The following DPY19L3 variants were observed in gnomAD, a reference collection of about 807,000 sequenced individuals.
DPY19L3 encodes the protein dpy-19 like C-mannosyltransferase 3.
Under a neutral mutation model 92.3 loss-of-function variants are expected in DPY19L3, and 51 were observed. The ratio of observed to expected loss-of-function variants is 0.55; its 90% CI spans 0.44 to 0.70. DPY19L3 has a LOEUF of 0.70. Among genes scored for constraint, DPY19L3 ranks in the 30% least tolerant of loss-of-function variants. DPY19L3 has a pLI of 0.00. For missense variants in DPY19L3, 706 were observed against 855.9 expected (o/e 0.82, Z 2.18); for synonymous variants, 309 against 315.2 (o/e 0.98, Z 0.21).
chr19:32,465,556 C>G (rs1472157601), intron 15 of DPY19L3, among the ~76,000 whole-genome samples: 2 of 152,092 alleles, frequency 1.3e-5, no homozygotes, highest in African/African-American at 4.8e-5. Context: ...ATTTCAAACT[C>G]TACTGTGTAG....
intron 3 of DPY19L3, among the ~76,000 whole-genome samples, chr19:32,422,965 A>G (rs1243933572): frequency 6.6e-6 from 1 of 152,238 alleles, no homozygotes; most frequent in African/African-American, 2.4e-5. Flanking sequence ...AGTGATTTAC[A>G]CATTTTAACC....
chr19:32,422,629 AACACACACACAC>A (rs66481682), intron 3 of DPY19L3, among the ~76,000 whole-genome samples: 20 of 146,826 alleles, frequency 1.4e-4, no homozygotes, highest in African/African-American at 3.3e-4. Flanking sequence ...AATCAGGAAA[AACACACACACAC>A]ACACACACAC....
chr19:32,461,802 G>A (rs899552028), intron 12 of DPY19L3, among the ~76,000 whole-genome samples: 4 of 152,142 alleles, frequency 2.6e-5, no homozygotes, highest in East Asian at 1.9e-4. Flanking sequence ...AGCCTTTACT[G>A]TTGTTTTCTT....
At chr19:32,406,736 T>A (rs1024621280) in intron 1 of DPY19L3, among the ~76,000 whole-genome samples, 1 of 152,178 alleles carries the variant, frequency 6.6e-6, no homozygotes, top group African/African-American at 2.4e-5. Flanking sequence ...ATGGAGGAAC[T>A]TTTTTTCTTA....
intron 6 of DPY19L3, among the ~76,000 whole-genome samples, chr19:32,438,263 A>T (rs1283784086): frequency 6.6e-6 from 1 of 152,196 alleles, no homozygotes; most frequent in Non-Finnish European, 1.5e-5. Flanking sequence ...GTGTTATGAC[A>T]GTCCTGTTGG....
intron 16 of DPY19L3, among the ~76,000 whole-genome samples, chr19:32,469,871 C>CT (rs1192135788): frequency 6.6e-6 from 1 of 152,266 alleles, no homozygotes; most frequent in African/African-American, 2.4e-5. Flanking sequence ...TATTTCCCTA[C>CT]TTTTAACCAG....
Position 32,482,708 on chromosome 19 carries a change from T to C in DPY19L3, c.*468T>C, listed in dbSNP as rs1970710263. The C allele has an allele frequency of 6.5e-6, 1 of 153,056 alleles. No individual in the cohort carries two copies. The highest frequency in any genetic ancestry group is 6.5e-5 in the Admixed American group (1 of 15,350). 9.5% of individuals were successfully genotyped at this position (153,056 alleles called of 1,614,324 possible). The stretch of plus-strand genomic sequence containing the variant: ...ATTGGTAGCTTTTTAAAAAGCACTT[T>C]AGTGTCCTGTTTTACCTTAAAATGT... On this transcript the variant is annotated 3_prime_UTR_variant, in exon 19 of 19. Transcript: ENST00000392250.
At chr19:32,459,722 A>G (rs1379365817) in intron 12 of DPY19L3, among the ~76,000 whole-genome samples, 2 of 152,168 alleles carry the variant, frequency 1.3e-5, no homozygotes, top group African/African-American at 2.4e-5. Flanking sequence ...GTGTGAATCT[A>G]TGAGCCATCT....
At chr19:32,435,788 A>G (rs559389612) in intron 4 of DPY19L3, among the ~76,000 whole-genome samples, 7 of 152,230 alleles carry the variant, frequency 4.6e-5, no homozygotes, top group Non-Finnish European at 1.0e-4. Flanking sequence ...TGGATTAATT[A>G]GCCTGGTTAC....
chr19:32,442,190 G>A (rs1193225798), intron 8 of DPY19L3, among the ~76,000 whole-genome samples: 3 of 152,188 alleles, frequency 2.0e-5, no homozygotes, highest in Non-Finnish European at 4.4e-5. Context: ...ACAAGAAGCA[G>A]TACCTTCTAC....
chr19:32,440,559 A>T (rs1053071270), intron 8 of DPY19L3, among the ~76,000 whole-genome samples: 1 of 152,220 alleles, frequency 6.6e-6, no homozygotes, highest in African/African-American at 2.4e-5. Context: ...TAGCCCAAGG[A>T]TTTGTGCTCA....
intron 7 of DPY19L3, among the ~76,000 whole-genome samples, 172 bp downstream of exon 7, chr19:32,439,407 A>G (rs966117198): frequency 1.3e-5 from 2 of 152,180 alleles, no homozygotes; most frequent in Non-Finnish European, 1.5e-5. Context: ...TCTACTTTGC[A>G]AAGAAAATGT....
intron 4 of DPY19L3, among the ~76,000 whole-genome samples, chr19:32,435,295 A>T (rs1287570731): frequency 6.6e-6 from 1 of 152,194 alleles, no homozygotes; most frequent in Non-Finnish European, 1.5e-5. Context: ...GAACAGTCAT[A>T]TTAGGGCTTC....
chr19:32,405,948 A>G (rs569633978), intron 1 of DPY19L3, 39 bp downstream of exon 1: 170 of 151,340 alleles, frequency 1.1e-3, no homozygotes, highest in Admixed American at 4.3e-3. Context: ...GCGAGGGTCT[A>G]CCGAGAGGGC....
intron 15 of DPY19L3, among the ~76,000 whole-genome samples, chr19:32,466,582 G>C (rs1023272081): frequency 1.2e-4 from 18 of 152,220 alleles, no homozygotes; most frequent in African/African-American, 4.3e-4. Context: ...AATGCCCTGG[G>C]GCTGGGGCTA....
At position 32,436,561 on chromosome 19, in the gene DPY19L3, C is replaced by G. The variant is rs955414684; in HGVS notation, c.444C>G (p.Pro148=). 4.0e-6 allele frequency: 6 copies of G among 1,516,578 alleles called. No individual in the cohort carries two copies. Among genetic ancestry groups the G allele is most frequent in the Non-Finnish European group, 5.3e-6 (6 of 1,126,554 alleles). 93.9% of individuals were successfully genotyped at this position (1,516,578 alleles called of 1,614,324 possible). A position where few individuals can be genotyped will look rare whatever the true frequency, so the allele number is the denominator to read the frequency against. ...VFLSILYRVL[P]IQKYLEPVYF... Reference sequence around the variant, plus strand: ...TCAGTATTTTATATAGAGTTCTACCCATACAGGTATGTTTTGTGATATTGA... The same window carrying G: ...TCAGTATTTTATATAGAGTTCTACCGATACAGGTATGTTTTGTGATATTGA... The change falls in exon 5 of 19, where the codon CCC becomes CCG. Residue 148 remains proline, a synonymous_variant. Transcript: ENST00000392250.
At chr19:32,406,226 C>G (rs1156837996) in intron 1 of DPY19L3, 1 of 152,354 alleles carries the variant, frequency 6.6e-6, no homozygotes, top group African/African-American at 2.4e-5. Flanking sequence ...GGGGCGCGTG[C>G]CTGAACTTCC....
chr19:32,472,621 T>A (rs1224066557), intron 16 of DPY19L3, among the ~76,000 whole-genome samples: 3 of 152,184 alleles, frequency 2.0e-5, no homozygotes, highest in Non-Finnish European at 4.4e-5. Flanking sequence ...GAAAGCACGT[T>A]TACCTCAGCA....
At chr19:32,478,348 A>T (rs11880569) in intron 17 of DPY19L3, among the ~76,000 whole-genome samples, 26,730 of 152,044 alleles carry the variant, frequency 0.18, 2,358 homozygotes, top group African/African-American at 0.2. Context: ...CGCATTTGGG[A>T]GCAAAGCTTT....
Sources: gnomAD v4.1 joint callset for allele counts (sites outside exome capture counted in the v4.1 genomes callset) on GRCh38, gnomAD v4.1.1 for gene constraint, MANE v1.5 for transcripts, NCBI Gene and HGNC (gene_info 2026-07-23, HGNC 2026-07-21) for gene names.